Variants in SLC22A12 observed in about 807,000 individuals in gnomAD.
The protein encoded by SLC22A12 is organic anion transporter 4-like protein.
In SLC22A12, 56 loss-of-function variants were observed where a neutral mutation model predicts 52.7. That is an observed-to-expected ratio of 1.06 (90% CI 0.86 to 1.33). The LOEUF is 1.33. Among genes scored for constraint, SLC22A12 ranks in the 40% most tolerant of loss-of-function variants. The pLI is 0.00. For missense variants in SLC22A12, 683 were observed against 741.5 expected (o/e 0.92, Z 0.92); for synonymous variants, 337 against 324.6 (o/e 1.04, Z -0.41).
Position 64,593,048 on chromosome 11 carries a change from G to T in SLC22A12, c.506+166G>T, listed in dbSNP as rs370948616. ...GCCACCCTGCAGCCGTGCCAGGTAG[G>T]GAGGTCTGGAACCTTCTCTGAACCT... On this transcript the variant is annotated intron_variant, in intron 2 of 9. Transcript: ENST00000377574. Among the ~76,000 whole-genome samples the T allele has an allele frequency of 2.0e-4, 30 of 152,320 alleles. No homozygotes were observed. The East Asian group carries it at 2.1e-3, about 11-fold the overall frequency.
chr11:64,595,430 G>C (rs1351379242), intron 4 of SLC22A12, among the ~76,000 whole-genome samples: 1 of 145,090 alleles, frequency 6.9e-6, no homozygotes, highest in East Asian at 2.2e-4. Flanking sequence ...TGGAATAGAT[G>C]GATGGATGGA....
intron 4 of SLC22A12, among the ~76,000 whole-genome samples, chr11:64,595,924 ATGGATGGATG>A (rs2039177513): frequency 4.2e-4 from 1 of 2,402 alleles, no homozygotes; most frequent in African/African-American, 3.0e-3. Flanking sequence ...GTTGGAAAAG[ATGGATGGATG>A]GATGGATGGA....
rs971659587 is a variant in SLC22A12, at chr11:64,600,763, G to A, written c.1423G>A (p.Ala475Thr). 6.9e-6 allele frequency: 11 copies of A among 1,605,150 alleles called. No homozygotes were observed. The highest frequency in any genetic ancestry group is 9.3e-6 in the Non-Finnish European group (11 of 1,179,922). ...GACGGCAGTGGGCTTGGGCCAGATGGCAGCCCGTGGAGGAGCCATCCTGGG... is the reference window on the plus strand; with the variant it reads ...GACGGCAGTGGGCTTGGGCCAGATGACAGCCCGTGGAGGAGCCATCCTGGG... The part of the protein sequence containing the change: ...RMTAVGLGQM[A>T]ARGGAILGPL... The change falls in exon 9 of 10, where the codon GCA (alanine) becomes ACA (threonine). Residue 475 changes from alanine to threonine, a missense_variant. Physicochemically the swap from Ala to Thr is moderately conservative, Grantham distance 58. Transcript: ENST00000377574.
intron 4 of SLC22A12, among the ~76,000 whole-genome samples, chr11:64,596,436 G>A (rs1225731808): frequency 1.3e-5 from 2 of 152,100 alleles, no homozygotes; most frequent in Non-Finnish European, 2.9e-5. Context: ...TTAATTGGAT[G>A]AACTGGATGG....
In SLC22A12 at chr11:64,601,667, G is replaced by A; in HGVS notation, c.*116G>A. On this transcript the variant is annotated 3_prime_UTR_variant, in exon 10 of 10. Transcript: ENST00000377574. ...CAGAGGCCCAGAGGCTGCCCTCTGA[G>A]GTCCCCACTCTCCCCCAGGGCTGCC... 1 of 1,164,538 alleles carries A rather than the reference G, an allele frequency of 8.6e-7. No individual in the cohort carries two copies. Among genetic ancestry groups the A allele is most frequent in the Non-Finnish European group, 1.3e-6 (1 of 798,238 alleles). 72.1% of individuals were successfully genotyped at this position (1,164,538 alleles called of 1,614,324 possible).
chr11:64,600,982 G>A, intron 9 of SLC22A12, 44 bp downstream of exon 9: 1 of 1,599,400 alleles, frequency 6.3e-7, no homozygotes, highest in South Asian at 1.1e-5. Flanking sequence ...TCCCACCAGA[G>A]AACCCTAGCA....
chr11:64,595,161 TTGGATGGA>T (rs1168842372), intron 4 of SLC22A12, among the ~76,000 whole-genome samples: 1 of 43,216 alleles, frequency 2.3e-5, no homozygotes, highest in Non-Finnish European at 5.0e-5. Context: ...GAATGGATGG[TTGGATGGA>T]TGGATGGATG....
intron 4 of SLC22A12, among the ~76,000 whole-genome samples, chr11:64,594,962 T>A (rs1420788745): frequency 7.0e-3 from 64 of 9,096 alleles, no homozygotes; most frequent in Admixed American, 0.016. Context: ...GGATGGATGG[T>A]TGGAATAGAT....
At chr11:64,592,670 C>G (rs1352610654) in intron 1 of SLC22A12, 109 bp from the exon 2 acceptor site, 3 of 888,366 alleles carry the variant, frequency 3.4e-6, no homozygotes, top group East Asian at 4.8e-5. Context: ...TAGAGGTCAC[C>G]AGACCACCCA....
chr11:64,596,230 G>GATGGA (rs2039214982), intron 4 of SLC22A12, among the ~76,000 whole-genome samples: 1 of 34,994 alleles, frequency 2.9e-5, no homozygotes, highest in Non-Finnish European at 6.3e-5. Context: ...TGGATGCATG[G>GATGGA]ATGGATGGAT....
chr11:64,592,213 A>G (rs866205581), intron 1 of SLC22A12, among the ~76,000 whole-genome samples: 1 of 152,150 alleles, frequency 6.6e-6, no homozygotes, highest in South Asian at 2.1e-4. Context: ...TGGCACCTGG[A>G]CACTCACCGG....
At chr11:64,598,362 A>C (rs1232436824) in intron 4 of SLC22A12, among the ~76,000 whole-genome samples, 154 bp from the exon 5 acceptor site, 1 of 152,162 alleles carries the variant, frequency 6.6e-6, no homozygotes, top group East Asian at 1.9e-4. Context: ...GAGGGTGCCC[A>C]AGAGGGCTTG....
At chr11:64,597,164 T>G (rs550944563) in intron 4 of SLC22A12, among the ~76,000 whole-genome samples, 4 of 152,142 alleles carry the variant, frequency 2.6e-5, no homozygotes, top group East Asian at 1.9e-4. Context: ...CCAGTCAGCT[T>G]TCTCCCTCTT....
intron 1 of SLC22A12, 34 bp downstream of exon 1, chr11:64,591,992 C>T (rs200777391): frequency 2.5e-6 from 4 of 1,603,524 alleles, no homozygotes; most frequent in Non-Finnish European, 3.4e-6. Context: ...CGAGTCCCAC[C>T]ACCTTGGAGG....
chr11:64,600,904 C>T lies in SLC22A12; in HGVS notation c.1564C>T (p.Pro522Ser), dbSNP rs767074016. Residue 522 changes from proline to serine, a missense_variant, in exon 9 of 10, where the codon CCG becomes TCG. By Grantham distance (74) the Pro-to-Ser change is moderately conservative (BLOSUM62 -1). Coordinates refer to ENST00000377574, the MANE Select transcript of SLC22A12 (RefSeq NM_144585.4). ...ALLLPETQSL[P>S]LPDTIQDVQN... The stretch of plus-strand genomic sequence containing the variant: ...GCTTCTGCCCGAGACCCAGAGCTTG[C>T]CGCTGCCCGACACCATCCAAGATGT... 10 of 1,609,542 alleles carry T rather than the reference C, an allele frequency of 6.2e-6. No homozygotes were observed. In the Middle Eastern group the frequency reaches 5.1e-4, roughly 82 times the overall value.
intron 4 of SLC22A12, among the ~76,000 whole-genome samples, chr11:64,595,246 ATGGATGGAATGGATGGATGG>A: frequency 1.1e-5 from 1 of 89,588 alleles, no homozygotes; most frequent in South Asian, 4.8e-4. Context: ...GGATGGATGG[ATGGATGGAATGGATGGATGG>A]ATGGATGGAT....
At chr11:64,593,310 C>A in intron 2 of SLC22A12, 95 bp from the exon 3 acceptor site, 1 of 1,584,638 alleles carries the variant, frequency 6.3e-7, no homozygotes, top group Non-Finnish European at 8.6e-7. Flanking sequence ...CTCAGCTCAG[C>A]GGGCAAGCAT....
chr11:64,593,444 G>A lies in SLC22A12; in HGVS notation c.546G>A (p.Gln182=), dbSNP rs1565134098. The A allele has an allele frequency of 6.2e-7, 1 of 1,614,224 alleles. No homozygotes were observed. The part of the protein sequence containing the change: ...RRLVLTWSYL[Q]MAVMGTAAAF... ...TGGTGCTAACCTGGAGCTACCTTCA[G>A]ATGGCTGTGATGGGTACGGCAGCTG... Residue 182 remains glutamine (Q), a synonymous_variant, in exon 3 of 10, where the codon CAG becomes CAA. Coordinates refer to ENST00000377574, the MANE Select transcript of SLC22A12 (RefSeq NM_144585.4).
chr11:64,597,695 C>T lies in SLC22A12; in HGVS notation c.831-821C>T, dbSNP rs2022048. On this transcript the variant is annotated intron_variant, in intron 4 of 9. Transcript: ENST00000377574. ...TGGCTGCTCATAGGGGACAACACGT[C>T]TGGCTGAAGGACCTGCAGGAGCCAA... 7.2e-3 allele frequency among the ~76,000 whole-genome samples: 1,090 copies of T among 152,352 alleles called. 8 individuals carry two copies. Among genetic ancestry groups the T allele is most frequent in the East Asian group, 0.044 (226 of 5,194 alleles).
Sources: gnomAD v4.1 joint callset for allele counts (sites outside exome capture counted in the v4.1 genomes callset) on GRCh38, gnomAD v4.1.1 for gene constraint, MANE v1.5 for transcripts, NCBI Gene and HGNC (gene_info 2026-07-23, HGNC 2026-07-21) for gene names.